Variants in GNB1L observed in about 807,000 individuals in gnomAD.
The protein encoded by GNB1L is G protein subunit beta 1 like.
GNB1L carries 20 observed loss-of-function variants against 29.1 expected under a neutral mutation model. The observed-to-expected ratio is 0.69, with a 90% CI of 0.48 to 1.00. The LOEUF is 1.00. Among genes scored for constraint, GNB1L ranks in the 50% least tolerant of loss-of-function variants. GNB1L has a pLI of 0.00. For missense variants in GNB1L, 421 were observed against 464.9 expected (o/e 0.91, Z 0.87); for synonymous variants, 193 against 206.5 (o/e 0.93, Z 0.56).
chr22:19,848,889 C>T (rs1311044737), intron 2 of GNB1L: 2 of 985,300 alleles, frequency 2.0e-6, no homozygotes, highest in Non-Finnish European at 2.4e-6. Context: ...GCCTGTGGGA[C>T]AGGGTAAAGG....
intron 7 of GNB1L, among the ~76,000 whole-genome samples, chr22:19,795,086 G>A (rs1937291559): frequency 6.6e-6 from 1 of 152,138 alleles, no homozygotes. Flanking sequence ...AATGCAAAGG[G>A]CAAACCTAAG....
At chr22:19,820,833 C>A in intron 3 of GNB1L, 110 bp from the exon 4 acceptor site, 1 of 1,311,888 alleles carries the variant, frequency 7.6e-7, no homozygotes, top group South Asian at 1.4e-5. Flanking sequence ...GCTGGTTGAG[C>A]TGAAAAGCCA....
chr22:19,830,523 T>C (rs1937664596), intron 2 of GNB1L, among the ~76,000 whole-genome samples: 1 of 152,194 alleles, frequency 6.6e-6, no homozygotes, highest in South Asian at 2.1e-4. Flanking sequence ...TAAAATTCTC[T>C]TGGAAGACAC....
chr22:19,818,317 A>AACTCAGGAGGAC (rs1937550763), intron 4 of GNB1L, among the ~76,000 whole-genome samples: 1 of 152,238 alleles, frequency 6.6e-6, no homozygotes, highest in South Asian at 2.1e-4. Flanking sequence ...TGTGGCTGAA[A>AACTCAGGAGGAC]ACTCAGGAGG....
At chr22:19,848,726 ACT>A (rs1365251082) in intron 2 of GNB1L, 1 of 985,310 alleles carries the variant, frequency 1.0e-6, no homozygotes, top group Non-Finnish European at 1.2e-6. Context: ...GCAGACCATA[ACT>A]CACACACCCC....
chr22:19,792,236 TAAA>T (rs1937259812), intron 7 of GNB1L: 1 of 617,776 alleles, frequency 1.6e-6, no homozygotes, highest in African/African-American at 1.8e-5. Flanking sequence ...ATAAAGACTT[TAAA>T]GAAACTCCTT....
At chr22:19,810,284 C>T (rs572491990) in intron 5 of GNB1L, among the ~76,000 whole-genome samples, 1 of 152,260 alleles carries the variant, frequency 6.6e-6, no homozygotes, top group African/African-American at 2.4e-5. Context: ...CAAGGAAGGC[C>T]TGTCTCAATT....
chr22:19,831,607 C>T (rs1363435340), intron 2 of GNB1L, among the ~76,000 whole-genome samples: 5 of 151,166 alleles, frequency 3.3e-5, no homozygotes, highest in African/African-American at 4.9e-5. Context: ...AGGAGAATGG[C>T]GTGAACCCGG....
At chr22:19,827,497 C>T (rs1432925197) in intron 2 of GNB1L, among the ~76,000 whole-genome samples, 1 of 152,126 alleles carries the variant, frequency 6.6e-6, no homozygotes, top group Non-Finnish European at 1.5e-5. Context: ...ACACAGAGGT[C>T]AACAGAATAC....
At chr22:19,818,108 C>T (rs1937547204) in intron 4 of GNB1L, among the ~76,000 whole-genome samples, 1 of 152,262 alleles carries the variant, frequency 6.6e-6, no homozygotes, top group Admixed American at 6.5e-5. Flanking sequence ...CACTCCACAC[C>T]TGCAGTTTCT....
At chr22:19,797,608 G>A (rs980912920) in intron 7 of GNB1L, among the ~76,000 whole-genome samples, 7 of 152,144 alleles carry the variant, frequency 4.6e-5, no homozygotes, top group Non-Finnish European at 7.4e-5. Context: ...CACAGCCAGC[G>A]CAGCCCTCAC....
intron 2 of GNB1L, chr22:19,852,004 C>A: frequency 6.2e-7 from 1 of 1,614,188 alleles, no homozygotes; most frequent in Non-Finnish European, 8.5e-7. Flanking sequence ...GGGAGCTGGG[C>A]ATGTGCCCAG....
chr22:19,848,295 C>T (rs909860855), intron 2 of GNB1L: 10 of 985,352 alleles, frequency 1.0e-5, no homozygotes, highest in African/African-American at 3.5e-5. Flanking sequence ...CGTCCCTGAG[C>T]ATGTCCAGCA....
intron 4 of GNB1L, among the ~76,000 whole-genome samples, chr22:19,813,090 G>A (rs1327238142): frequency 3.3e-5 from 5 of 152,178 alleles, no homozygotes; most frequent in East Asian, 1.9e-4. Flanking sequence ...ATGGGCTGGC[G>A]GAGTCGAATT....
rs542285137 is a variant in GNB1L, at chr22:19,816,255, C to T, written c.255-3808G>A. ...ACCAGTCGTCACGCTGCGAGGCACA[C>T]GATGTGACCTGCCCACCATCAGGGG... On this transcript the variant is annotated intron_variant, in intron 4 of 7. Transcript: ENST00000329517. This position sits in a 1 kb window ranked among gnomAD's most constrained non-coding sequence, Gnocchi z 4.4. Among the ~76,000 whole-genome samples, 218 of 152,358 alleles carry T rather than the reference C, an allele frequency of 1.4e-3. 1 individual carries two copies. The highest frequency in any genetic ancestry group is 5.1e-3 in the African/African-American group (212 of 41,586).
chr22:19,854,306 C>T (rs575129550), intron 2 of GNB1L, 137 bp downstream of exon 2: 2 of 152,696 alleles, frequency 1.3e-5, no homozygotes, highest in South Asian at 4.1e-4. Flanking sequence ...CTGGGGAGAC[C>T]CAGGAGCCCC....
At chr22:19,817,144 C>A (rs780584762) in intron 4 of GNB1L, among the ~76,000 whole-genome samples, 2 of 152,196 alleles carry the variant, frequency 1.3e-5, no homozygotes, top group Non-Finnish European at 2.9e-5. Flanking sequence ...AAGGGGAAAG[C>A]CTGGCAGACT....
At chr22:19,849,332 A>C in intron 2 of GNB1L, 1 of 967,854 alleles carries the variant, frequency 1.0e-6, no homozygotes, top group Non-Finnish European at 1.2e-6. Flanking sequence ...AATAATCCCA[A>C]CAATTTATAT....
At chr22:19,823,247 T>C (rs1350807756) in intron 2 of GNB1L, among the ~76,000 whole-genome samples, 3 of 152,214 alleles carry the variant, frequency 2.0e-5, no homozygotes, top group Non-Finnish European at 2.9e-5. Flanking sequence ...CACCTTTGGC[T>C]GAAAGCCAAC....
Sources: allele counts gnomAD v4.1 joint callset (sites outside exome capture counted in the v4.1 genomes callset), GRCh38; gene constraint gnomAD v4.1.1; non-coding constraint Gnocchi (gnomAD v3.1); transcripts MANE v1.5; gene names NCBI Gene and HGNC (gene_info 2026-07-23, HGNC 2026-07-21).